The following PRELID2 variants were observed in gnomAD, a reference collection of about 807,000 sequenced individuals.
PRELID2 encodes PRELI domain containing 2, also known as PRELI domain-containing protein 2.
In PRELID2, 25 loss-of-function variants were observed where a neutral mutation model predicts 28.4. The ratio of observed to expected loss-of-function variants is 0.88; its 90% CI spans 0.64 to 1.23. The LOEUF is 1.23. PRELID2 is among the 50% of genes most tolerant of loss of function. The pLI is 0.00. For missense variants in PRELID2, 201 were observed against 214.4 expected (o/e 0.94, Z 0.39); for synonymous variants, 76 against 71.6 (o/e 1.06, Z -0.31).
chr5:145,713,542 A>ATATATATACTTTT (rs1181148336), intron 1 of PRELID2, among the ~76,000 whole-genome samples: 1 of 142,482 alleles, frequency 7.0e-6, no homozygotes, highest in Admixed American at 7.1e-5. Flanking sequence ...AGTGCTTTAT[A>ATATATATACTTTT]TATATATACT....
the PRELID2 span, among the ~76,000 whole-genome samples, chr5:145,394,258 A>C: frequency 6.6e-6 from 1 of 152,194 alleles, no homozygotes; most frequent in Admixed American, 6.5e-5. Context: ...GCCATAAAAA[A>C]ATGATGAGTT....
At chr5:145,284,957 T>G in the PRELID2 span, among the ~76,000 whole-genome samples, 2 of 152,158 alleles carry the variant, frequency 1.3e-5, no homozygotes, top group African/African-American at 4.8e-5. Flanking sequence ...AAATTGAAAC[T>G]TACTATGTGC....
chr5:145,428,713 G>C, the PRELID2 span, among the ~76,000 whole-genome samples: 1 of 152,176 alleles, frequency 6.6e-6, no homozygotes, highest in African/African-American at 2.4e-5. Flanking sequence ...GTGAGATGCA[G>C]AGATAGTTTA....
chr5:145,653,213 A>T (rs1452623099), intron 1 of PRELID2, among the ~76,000 whole-genome samples: 2 of 152,236 alleles, frequency 1.3e-5, no homozygotes, highest in Non-Finnish European at 2.9e-5. Context: ...TCCTAAATAT[A>T]TATGCACCCA....
At chr5:145,644,478 C>G (rs980942513) in intron 1 of PRELID2, among the ~76,000 whole-genome samples, 5 of 151,718 alleles carry the variant, frequency 3.3e-5, no homozygotes, top group South Asian at 2.1e-4. Context: ...CCTGGATTCA[C>G]TGATTTTTTG....
intron 5 of PRELID2, among the ~76,000 whole-genome samples, chr5:145,768,401 G>A (rs1212191903): frequency 1.3e-5 from 2 of 151,936 alleles, no homozygotes; most frequent in Non-Finnish European, 2.9e-5. Flanking sequence ...CACCTACTAC[G>A]TGCACTGGGG....
At chr5:145,391,519 T>C in the PRELID2 span, among the ~76,000 whole-genome samples, 4 of 152,196 alleles carry the variant, frequency 2.6e-5, no homozygotes, top group East Asian at 7.8e-4. Context: ...CTGGAAACCA[T>C]TTTTTCCACC....
At chr5:145,424,819 A>G in the PRELID2 span, among the ~76,000 whole-genome samples, 1 of 152,220 alleles carries the variant, frequency 6.6e-6, no homozygotes, top group South Asian at 2.1e-4. Flanking sequence ...TAAAAACCCT[A>G]GAAGAAAATC....
the PRELID2 span, among the ~76,000 whole-genome samples, chr5:145,416,990 A>C: frequency 2.0e-5 from 3 of 151,980 alleles, no homozygotes; most frequent in African/African-American, 7.2e-5. Flanking sequence ...TTTTTGAAAA[A>C]ATTAATAAAA....
At chr5:145,740,201 T>C (rs568746752) in intron 1 of PRELID2, among the ~76,000 whole-genome samples, 6 of 139,108 alleles carry the variant, frequency 4.3e-5, no homozygotes, top group South Asian at 4.6e-4. Context: ...ACAGTTAAAG[T>C]AGATTTAGTG....
intron 1 of PRELID2, among the ~76,000 whole-genome samples, chr5:145,550,777 C>T (rs373153250): frequency 5.3e-5 from 8 of 152,130 alleles, no homozygotes; most frequent in Middle Eastern, 3.4e-3. Flanking sequence ...TGGTGTTTTC[C>T]GTTGTAGAGC....
intron 2 of PRELID2, 95 bp from the exon 3 acceptor site, chr5:145,820,113 T>C: frequency 1.7e-6 from 1 of 583,994 alleles, no homozygotes; most frequent in South Asian, 1.9e-5. Flanking sequence ...TTTTTTGTTT[T>C]TTGTTTTTTG....
At chr5:145,668,413 T>C (rs999572961) in intron 1 of PRELID2, among the ~76,000 whole-genome samples, 1 of 151,440 alleles carries the variant, frequency 6.6e-6, no homozygotes, top group Non-Finnish European at 1.5e-5. Flanking sequence ...CATTTGCATG[T>C]CCCTATAGAT....
chr5:145,729,166 T>G (rs1756262038), intron 1 of PRELID2: 2 of 653,442 alleles, frequency 3.1e-6, no homozygotes, highest in Admixed American at 4.4e-5. Flanking sequence ...GTCAAGTCCT[T>G]CAAAGTATCA....
the PRELID2 span, among the ~76,000 whole-genome samples, chr5:145,414,133 G>T: frequency 6.6e-6 from 1 of 152,124 alleles, no homozygotes; most frequent in Non-Finnish European, 1.5e-5. Flanking sequence ...TGAAACATCA[G>T]CAATATACCA....
At chr5:145,412,871 C>A in the PRELID2 span, among the ~76,000 whole-genome samples, 2 of 152,114 alleles carry the variant, frequency 1.3e-5, no homozygotes, top group Non-Finnish European at 2.9e-5. Context: ...CACAGGGTGG[C>A]AGGAGACAGA....
At chr5:145,575,015 A>G (rs79006451) in intron 1 of PRELID2, among the ~76,000 whole-genome samples, 2,352 of 152,316 alleles carry the variant, frequency 0.015, 65 homozygotes, top group African/African-American at 0.052. Flanking sequence ...TATACTCACA[A>G]TGAATTATGA....
At chr5:145,238,045 C>T in the PRELID2 span, among the ~76,000 whole-genome samples, 1 of 152,202 alleles carries the variant, frequency 6.6e-6, no homozygotes, top group African/African-American at 2.4e-5. Context: ...TGCCACATTC[C>T]TTCTCACAAA....
rs141509337 is a variant in PRELID2, at chr5:145,677,024, C to G, written n.70+87907G>C. On this transcript the variant is annotated intron_variant and non_coding_transcript_variant, in intron 1 of 2. Coordinates refer to the PRELID2 transcript ENST00000510259. ...ATTTTGAAAACAAATTGTGAGAAAG[C>G]ATTTCTGTAGCAGCTGAGAAAATTT... Among the ~76,000 whole-genome samples the G allele has an allele frequency of 2.8e-3, 431 of 151,852 alleles. 2 individuals carry two copies. Among genetic ancestry groups the G allele is most frequent in the African/African-American group, 9.8e-3 (408 of 41,434 alleles).
Sources: allele counts gnomAD v4.1 joint callset (sites outside exome capture counted in the v4.1 genomes callset), GRCh38; gene constraint gnomAD v4.1.1; transcripts MANE v1.5; gene names NCBI Gene and HGNC (gene_info 2026-07-23, HGNC 2026-07-21).